PREX2: variants seen among roughly 807,000 people sequenced by gnomAD.
PREX2 encodes the protein phosphatidylinositol 3,4,5-trisphosphate-dependent Rac exchanger 2 protein.
In PREX2, 107 loss-of-function variants were observed where a neutral mutation model predicts 203.2. The ratio of observed to expected loss-of-function variants is 0.53; its 90% CI spans 0.45 to 0.62. PREX2 has a LOEUF of 0.62. Ranked by LOEUF, PREX2 falls within the 20% of genes least tolerant of loss-of-function variation. The pLI, the probability that PREX2 is intolerant of heterozygous loss-of-function variation, is 0.00. For synonymous variants in PREX2, 672 were observed against 663.6 expected, an observed-to-expected ratio of 1.01 and a Z score of -0.19; for missense variants, 1,777 against 1,955.9, an observed-to-expected ratio of 0.91 and a Z score of 1.72.
intron 35 of PREX2, among the ~76,000 whole-genome samples, chr8:68,178,162 A>T (rs373957568): frequency 6.6e-6 from 1 of 152,126 alleles, no homozygotes; most frequent in African/African-American, 2.4e-5. Flanking sequence ...TGCTGGGTCA[A>T]ATGGTATTTC....
Position 68,138,435 on chromosome 8 carries a change from A to G in PREX2, c.4005A>G (p.Leu1335=). The part of the protein sequence containing the change: ...SPNLTDEQAM[L]EDTLVALFDL... ...TGTAGACAGATGAACAAGCCATGTT[A>G]GAAGATACACTGGTTGCACTATTTG... Residue 1335 remains leucine (L), a synonymous_variant, in exon 33 of 40, where the codon TTA becomes TTG. Transcript: ENST00000288368. 3 of 1,596,494 alleles carry G rather than the reference A, an allele frequency of 1.9e-6. No homozygotes were observed. Among genetic ancestry groups the G allele is most frequent in the Non-Finnish European group, 2.6e-6 (3 of 1,168,572 alleles).
In PREX2 at chr8:68,134,256, T is replaced by C. The variant is rs764440922; in HGVS notation, c.3964T>C (p.Ser1322Pro). Residue 1322 changes from serine (S) to proline (P), a missense_variant, in exon 32 of 40, where the codon TCA becomes CCA. By Grantham distance (74) the Ser-to-Pro change is moderately conservative. Coordinates refer to ENST00000288368, the MANE Select transcript of PREX2 (RefSeq NM_024870.4). Reference sequence around the variant, plus strand: ...TGCAGGTGTTCTTTTTCACTTTCAGTCACTTCTGTCACCAAACTTGGTAAG... The same window carrying C: ...TGCAGGTGTTCTTTTTCACTTTCAGCCACTTCTGTCACCAAACTTGGTAAG... ...ANAGVLFHFQ[S>P]LLSPNLTDEQ... is the part of the protein sequence containing the mutation. 6.2e-7 allele frequency: 1 copy of C among 1,613,940 alleles called. No individual in the cohort carries two copies. Among genetic ancestry groups the C allele is most frequent in the South Asian group, 1.1e-5 (1 of 91,074 alleles).
intron 23 of PREX2, chr8:68,106,361 T>A (rs779059753): frequency 7.8e-6 from 4 of 510,820 alleles, no homozygotes; most frequent in Non-Finnish European, 1.6e-5. Flanking sequence ...TCTTTATTAG[T>A]AAAGTGATGG....
chr8:68,003,842 C>CTTTTTTTT (rs148890144), intron 1 of PREX2, among the ~76,000 whole-genome samples: 5 of 90,622 alleles, frequency 5.5e-5, no homozygotes, highest in Non-Finnish European at 6.3e-5. Flanking sequence ...CTGGCCTGAC[C>CTTTTTTTT]TTTTTTTTTT....
intron 23 of PREX2, 126 bp from the exon 24 acceptor site, chr8:68,107,983 T>C: frequency 1.6e-6 from 1 of 621,574 alleles, no homozygotes; most frequent in South Asian, 2.3e-5. Flanking sequence ...TATAATTTAT[T>C]TCACTCATTC....
intron 37 of PREX2, among the ~76,000 whole-genome samples, 193 bp from the exon 38 acceptor site, chr8:68,217,423 A>G (rs982544920): frequency 1.3e-5 from 2 of 152,202 alleles, no homozygotes; most frequent in African/African-American, 4.8e-5. Context: ...TTAAATACTT[A>G]ATTTCTGACC....
chr8:67,972,329 A>T (rs1275652422), intron 1 of PREX2, among the ~76,000 whole-genome samples: 5 of 152,204 alleles, frequency 3.3e-5, no homozygotes, highest in African/African-American at 1.2e-4. Flanking sequence ...ATGCCATCAG[A>T]TATAGTCATG....
intron 1 of PREX2, among the ~76,000 whole-genome samples, chr8:67,993,999 A>G (rs897007842): frequency 1.3e-5 from 2 of 152,204 alleles, no homozygotes; most frequent in African/African-American, 4.8e-5. Context: ...GATTGGAGTC[A>G]ATAATTGGAG....
At chr8:68,001,526 A>G (rs990135831) in intron 1 of PREX2, among the ~76,000 whole-genome samples, 4 of 152,192 alleles carry the variant, frequency 2.6e-5, no homozygotes, top group Admixed American at 1.3e-4. Context: ...CCTTATGAAA[A>G]GCAGTGTGGC....
At chr8:68,007,267 A>G (rs1807123471) in intron 1 of PREX2, among the ~76,000 whole-genome samples, 1 of 152,176 alleles carries the variant, frequency 6.6e-6, no homozygotes, top group African/African-American at 2.4e-5. Flanking sequence ...TTTTTCTCAT[A>G]TTTCTTGAAT....
chr8:67,976,577 A>G (rs1806103785), intron 1 of PREX2, among the ~76,000 whole-genome samples: 1 of 118,128 alleles, frequency 8.5e-6, no homozygotes, highest in Non-Finnish European at 1.8e-5. Context: ...AGACAGAGAC[A>G]GAGAGAGAGA....
At chr8:68,223,760 T>G (rs1443353476) in intron 38 of PREX2, among the ~76,000 whole-genome samples, 1 of 152,222 alleles carries the variant, frequency 6.6e-6, no homozygotes, top group African/African-American at 2.4e-5. Flanking sequence ...TAGATTTTAT[T>G]ATAAACTCTG....
At position 68,196,802 on chromosome 8, in the gene PREX2, G is replaced by GT. The variant is rs1425151942; in HGVS notation, c.4604+4278dup. On this transcript the variant is annotated intron_variant, in intron 37 of 39. Coordinates refer to ENST00000288368, the MANE Select transcript of PREX2 (RefSeq NM_024870.4). The stretch of plus-strand genomic sequence containing the variant: ...TTCCCCTTCACCTTCCACCATGATT[G>GT]TAAGTTTCCTGAGGCCTCCCCAGAG... Among the ~76,000 whole-genome samples, 6 of 151,550 alleles carry GT rather than the reference G, an allele frequency of 4.0e-5. No individual in the cohort carries two copies. The East Asian group carries it at 1.2e-3, about 30-fold the overall frequency.
chr8:67,996,975 G>A (rs773160216), intron 1 of PREX2, among the ~76,000 whole-genome samples: 2 of 152,064 alleles, frequency 1.3e-5, no homozygotes, highest in Non-Finnish European at 2.9e-5. Flanking sequence ...ACTTTTGATG[G>A]CAAAAACTGC....
chr8:68,024,649 A>T (rs187056560), intron 4 of PREX2, among the ~76,000 whole-genome samples: 33 of 151,726 alleles, frequency 2.2e-4, no homozygotes, highest in South Asian at 6.2e-4. Flanking sequence ...GTAATTATTG[A>T]TATGATGGTA....
At position 67,970,318 on chromosome 8, in the gene PREX2, A is replaced by G. The variant is rs531501945; in HGVS notation, c.141+17783A>G. ...AAACTACCGCCCCACACTAAAAAATATAATAAATAAAAAGGCCCAAACCAC... is the reference window on the plus strand; with the variant it reads ...AAACTACCGCCCCACACTAAAAAATGTAATAAATAAAAAGGCCCAAACCAC... On this transcript the variant is annotated intron_variant, in intron 1 of 39. Transcript: ENST00000288368. Among the ~76,000 whole-genome samples the G allele has an allele frequency of 9.6e-4, 146 of 152,376 alleles. 1 individual carries two copies. Among genetic ancestry groups the G allele is most frequent in the African/African-American group, 3.3e-3 (139 of 41,586 alleles).
chr8:68,034,728 T>C (rs374309018), intron 6 of PREX2, among the ~76,000 whole-genome samples: 2 of 152,162 alleles, frequency 1.3e-5, no homozygotes, highest in African/African-American at 4.8e-5. Context: ...GGAATCTGTT[T>C]GCTGCTTCCA....
At chr8:68,126,926 A>T (rs1381804341) in intron 30 of PREX2, among the ~76,000 whole-genome samples, 1 of 151,962 alleles carries the variant, frequency 6.6e-6, no homozygotes, top group Non-Finnish European at 1.5e-5. Flanking sequence ...GTATATATAT[A>T]TACACACATG....
At chr8:68,051,921 A>T (rs1808536505) in intron 8 of PREX2, among the ~76,000 whole-genome samples, 1 of 152,140 alleles carries the variant, frequency 6.6e-6, no homozygotes. Flanking sequence ...AAGACTCCAC[A>T]ACTGAACAGC....
Sources: gnomAD v4.1 joint callset for allele counts (sites outside exome capture counted in the v4.1 genomes callset) on GRCh38, gnomAD v4.1.1 for gene constraint, MANE v1.5 for transcripts, NCBI Gene and HGNC (gene_info 2026-07-23, HGNC 2026-07-21) for gene names.